The following CDH12 variants were observed in gnomAD, a reference collection of about 807,000 sequenced individuals.
CDH12 encodes cadherin-12.
A neutral mutation model predicts 74.1 loss-of-function variants in CDH12; 41 were observed. The observed-to-expected ratio is 0.55, with a 90% CI of 0.43 to 0.72. CDH12 has a LOEUF of 0.72. Among genes scored for constraint, CDH12 ranks in the 30% least tolerant of loss-of-function variants. The probability of loss-of-function intolerance (pLI) is 0.00; values close to 1 mark genes in which losing one functional copy is unlikely to be tolerated. For synonymous variants in CDH12, 399 were observed against 355.0 expected, an observed-to-expected ratio of 1.12 and a Z score of -1.39; for missense variants, 945 against 977.2, an observed-to-expected ratio of 0.97 and a Z score of 0.44.
At chr5:21,959,940 A>T (rs998147878) in intron 6 of CDH12, among the ~76,000 whole-genome samples, 5 of 150,702 alleles carry the variant, frequency 3.3e-5, no homozygotes, top group African/African-American at 1.2e-4. Flanking sequence ...AAAAAAAAAA[A>T]AAAAAGACGA....
At chr5:21,872,890 C>CTATCTATCT (rs1281675541) in intron 6 of CDH12, among the ~76,000 whole-genome samples, 4 of 7,538 alleles carry the variant, frequency 5.3e-4, no homozygotes, top group Non-Finnish European at 1.9e-3. Context: ...ACCTACCTAT[C>CTATCTATCT]ATCCATCTAT....
At chr5:22,672,147 A>G (rs1284909696) in intron 1 of CDH12, among the ~76,000 whole-genome samples, 1 of 130,920 alleles carries the variant, frequency 7.6e-6, no homozygotes, top group Non-Finnish European at 1.6e-5. Context: ...ATATATATTT[A>G]TTATATATAT....
chr5:22,799,263 G>T (rs1017209552), intron 1 of CDH12, among the ~76,000 whole-genome samples: 4 of 152,062 alleles, frequency 2.6e-5, no homozygotes, highest in South Asian at 2.1e-4. Flanking sequence ...ACTTGCTAAA[G>T]AATTTAGGAT....
At chr5:22,522,212 C>T (rs536261045) in intron 1 of CDH12, among the ~76,000 whole-genome samples, 13 of 152,236 alleles carry the variant, frequency 8.5e-5, no homozygotes, top group Non-Finnish European at 1.5e-4. Context: ...TATTAATGCA[C>T]ATATTATGTT....
At chr5:22,663,640 C>T (rs549297102) in intron 1 of CDH12, among the ~76,000 whole-genome samples, 1 of 152,260 alleles carries the variant, frequency 6.6e-6, no homozygotes, top group East Asian at 1.9e-4. Flanking sequence ...TGCTTCATTA[C>T]ATTTTAATAA....
intron 3 of CDH12, among the ~76,000 whole-genome samples, chr5:22,371,077 G>A (rs1333088833): frequency 1.3e-5 from 2 of 152,008 alleles, no homozygotes; most frequent in Non-Finnish European, 2.9e-5. Context: ...TCAAACTTGG[G>A]GATATACATC....
chr5:22,775,836 G>A (rs1479763410), intron 1 of CDH12, among the ~76,000 whole-genome samples: 1 of 152,150 alleles, frequency 6.6e-6, no homozygotes, highest in African/African-American at 2.4e-5. Context: ...GAATTCCCGT[G>A]TGTTGTGGGA....
intron 6 of CDH12, among the ~76,000 whole-genome samples, chr5:21,897,027 A>G (rs1424296173): frequency 6.6e-6 from 1 of 152,218 alleles, no homozygotes; most frequent in Non-Finnish European, 1.5e-5. Flanking sequence ...ACTAAATCTG[A>G]GAAAAAAATA....
At chr5:21,955,397 G>A (rs1374634171) in intron 6 of CDH12, among the ~76,000 whole-genome samples, 1 of 151,704 alleles carries the variant, frequency 6.6e-6, no homozygotes, top group Non-Finnish European at 1.5e-5. Flanking sequence ...TCATTTTCTA[G>A]TTATGGTGGG....
intron 5 of CDH12, among the ~76,000 whole-genome samples, chr5:22,041,300 G>A (rs1739561358): frequency 6.6e-6 from 1 of 152,036 alleles, no homozygotes; most frequent in Non-Finnish European, 1.5e-5. Flanking sequence ...CTGACAAAAT[G>A]GCAGTAGTAA....
intron 1 of CDH12, among the ~76,000 whole-genome samples, chr5:22,543,333 A>T (rs1033849620): frequency 3.9e-5 from 6 of 152,184 alleles, no homozygotes; most frequent in African/African-American, 1.4e-4. Context: ...CATGTAGCAT[A>T]CAATGTTTTA....
intron 3 of CDH12, among the ~76,000 whole-genome samples, chr5:22,323,673 A>C (rs1196537996): frequency 6.6e-6 from 1 of 152,218 alleles, no homozygotes; most frequent in Non-Finnish European, 1.5e-5. Context: ...GGGAAGACAG[A>C]AAATGAGAGA....
At chr5:22,515,688 A>T (rs1196667372) in intron 1 of CDH12, among the ~76,000 whole-genome samples, 1 of 152,130 alleles carries the variant, frequency 6.6e-6, no homozygotes, top group Non-Finnish European at 1.5e-5. Context: ...TGTAGTAATG[A>T]GAAATTTGAT....
At chr5:22,251,268 G>A (rs1032068201) in intron 3 of CDH12, among the ~76,000 whole-genome samples, 9 of 152,318 alleles carry the variant, frequency 5.9e-5, no homozygotes, top group Middle Eastern at 3.4e-3. Flanking sequence ...AGGATCAGCT[G>A]ATGGACAGTC....
intron 3 of CDH12, among the ~76,000 whole-genome samples, chr5:22,328,953 C>A (rs1477071045): frequency 1.3e-5 from 2 of 152,010 alleles, no homozygotes; most frequent in African/African-American, 4.8e-5. Flanking sequence ...AATTTAAATT[C>A]CACAGCAGGA....
chr5:22,624,384 G>T (rs1738158496), intron 1 of CDH12, among the ~76,000 whole-genome samples: 1 of 151,962 alleles, frequency 6.6e-6, no homozygotes, highest in Admixed American at 6.6e-5. Context: ...CTACAGAATG[G>T]GAGAAAATTT....
At chr5:21,891,795 G>A (rs1752911628) in intron 6 of CDH12, among the ~76,000 whole-genome samples, 2 of 152,022 alleles carry the variant, frequency 1.3e-5, no homozygotes. Flanking sequence ...CTTGCTAAAT[G>A]TACCTTATTA....
intron 4 of CDH12, among the ~76,000 whole-genome samples, chr5:22,086,718 C>T (rs1233559576): frequency 2.7e-5 from 4 of 150,636 alleles, no homozygotes; most frequent in South Asian, 2.1e-4. Context: ...ATGGCTGCTA[C>T]TGGTATCTCC....
chr5:22,711,094 C>A (rs1310295350), intron 1 of CDH12, among the ~76,000 whole-genome samples: 2 of 151,568 alleles, frequency 1.3e-5, no homozygotes, highest in African/African-American at 2.4e-5. Context: ...AGTACTTAAT[C>A]AAAACTTTGT....
Sources: gnomAD v4.1 joint callset for allele counts (sites outside exome capture counted in the v4.1 genomes callset) on GRCh38, gnomAD v4.1.1 for gene constraint, MANE v1.5 for transcripts, NCBI Gene and HGNC (gene_info 2026-07-23, HGNC 2026-07-21) for gene names.